FARS2: variants seen among roughly 807,000 people sequenced by gnomAD.
The protein encoded by FARS2 is phenylalanine--tRNA ligase, mitochondrial.
In FARS2, 40 loss-of-function variants were observed where a neutral mutation model predicts 46.4. The observed-to-expected ratio is 0.86, with a 90% CI of 0.67 to 1.12. The LOEUF is 1.12. Ranked by LOEUF, FARS2 falls within the 50% of genes most tolerant of loss-of-function variation. The pLI is 0.00. For missense variants in FARS2, 513 were observed against 567.9 expected (o/e 0.90, Z 0.98); for synonymous variants, 234 against 214.9 (o/e 1.09, Z -0.78).
At chr6:5,626,597 C>T (rs538910896) in intron 6 of FARS2, among the ~76,000 whole-genome samples, 1 of 152,302 alleles carries the variant, frequency 6.6e-6, no homozygotes, top group South Asian at 2.1e-4. Flanking sequence ...CCCACATCCT[C>T]CTTAGGCTTT....
At chr6:5,425,055 G>A (rs1485561381) in intron 3 of FARS2, among the ~76,000 whole-genome samples, 1 of 152,178 alleles carries the variant, frequency 6.6e-6, no homozygotes, top group Non-Finnish European at 1.5e-5. Flanking sequence ...TTCAGAAAGT[G>A]TGAGTGGCAA....
intron 2 of FARS2, among the ~76,000 whole-genome samples, chr6:5,372,920 C>CA (rs1400438718): frequency 1.6e-4 from 24 of 152,030 alleles, no homozygotes; most frequent in African/African-American, 5.1e-4. Context: ...GACTTTATTA[C>CA]AAAAAAAGTG....
the FARS2 span, among the ~76,000 whole-genome samples, chr6:5,252,593 C>T: frequency 2.6e-5 from 4 of 152,012 alleles, no homozygotes; most frequent in South Asian, 4.1e-4. Flanking sequence ...TTCTTCCCAC[C>T]GTTTTCTCTC....
chr6:5,604,054 G>A (rs1203250111), intron 5 of FARS2, among the ~76,000 whole-genome samples: 1 of 152,216 alleles, frequency 6.6e-6, no homozygotes, highest in African/African-American at 2.4e-5. Flanking sequence ...TCCCAGGGAA[G>A]TAGGGAGGTG....
intron 1 of FARS2, among the ~76,000 whole-genome samples, chr6:5,281,741 A>G (rs769957625): frequency 6.6e-6 from 1 of 151,040 alleles, no homozygotes; most frequent in Non-Finnish European, 1.5e-5. Context: ...CTGTGTGTCT[A>G]CAGGGATCAC....
chr6:5,611,644 A>G (rs1285223477), intron 5 of FARS2, among the ~76,000 whole-genome samples: 1 of 152,224 alleles, frequency 6.6e-6, no homozygotes, highest in African/African-American at 2.4e-5. Flanking sequence ...GGCTTGCAAT[A>G]TAATAAGCTG....
chr6:5,434,297 G>C (rs1416294303), intron 4 of FARS2, among the ~76,000 whole-genome samples: 1 of 151,848 alleles, frequency 6.6e-6, no homozygotes, highest in Non-Finnish European at 1.5e-5. Flanking sequence ...TTTTTAGTAG[G>C]GATTGGAGTT....
At chr6:5,531,390 A>T (rs2150456543) in intron 4 of FARS2, among the ~76,000 whole-genome samples, 1 of 152,356 alleles carries the variant, frequency 6.6e-6, no homozygotes, top group Admixed American at 6.5e-5. Flanking sequence ...CGTGCTTCAG[A>T]CACTGCAGTT....
intron 4 of FARS2, among the ~76,000 whole-genome samples, chr6:5,529,320 CT>C (rs899885564): frequency 4.6e-5 from 7 of 151,614 alleles, no homozygotes; most frequent in Non-Finnish European, 8.8e-5. Context: ...ACTTTTTTTT[CT>C]TTTTTGAGAC....
intron 4 of FARS2, among the ~76,000 whole-genome samples, chr6:5,536,602 T>G (rs761523627): frequency 1.3e-5 from 2 of 152,320 alleles, no homozygotes; most frequent in East Asian, 3.9e-4. Flanking sequence ...AAAATCAAAA[T>G]AAATATTATA....
At chr6:5,467,860 C>T (rs1765599318) in intron 4 of FARS2, among the ~76,000 whole-genome samples, 1 of 151,946 alleles carries the variant, frequency 6.6e-6, no homozygotes, top group Non-Finnish European at 1.5e-5. Flanking sequence ...TATAGATGCT[C>T]ATTACCTTAA....
At chr6:5,339,635 A>G (rs576338296) in intron 1 of FARS2, among the ~76,000 whole-genome samples, 1 of 152,104 alleles carries the variant, frequency 6.6e-6, no homozygotes, top group South Asian at 2.1e-4. Flanking sequence ...GTGTCTCGCT[A>G]TGTTGCCCAA....
intron 6 of FARS2, among the ~76,000 whole-genome samples, chr6:5,668,819 G>A (rs550616440): frequency 2.7e-5 from 4 of 149,950 alleles, no homozygotes; most frequent in South Asian, 2.2e-4. Flanking sequence ...TCAGCTTCCC[G>A]AGGAGCTGAG....
At chr6:5,652,553 G>T (rs1294211112) in intron 6 of FARS2, among the ~76,000 whole-genome samples, 1 of 152,246 alleles carries the variant, frequency 6.6e-6, no homozygotes, top group African/African-American at 2.4e-5. Flanking sequence ...CCAGTGCGGC[G>T]CAGCCGCTGA....
intron 2 of FARS2, among the ~76,000 whole-genome samples, chr6:5,381,769 G>C (rs888310421): frequency 1.3e-5 from 2 of 152,224 alleles, no homozygotes; most frequent in African/African-American, 4.8e-5. Flanking sequence ...GGTATGACCA[G>C]ATGTCAGTTA....
At chr6:5,742,154 G>C (rs1015886678) in intron 6 of FARS2, among the ~76,000 whole-genome samples, 1 of 152,178 alleles carries the variant, frequency 6.6e-6, no homozygotes, top group Non-Finnish European at 1.5e-5. Context: ...AGGATTGCCT[G>C]CTCCTACATT....
chr6:5,693,640 C>A (rs1444879164), intron 6 of FARS2, among the ~76,000 whole-genome samples: 1 of 152,170 alleles, frequency 6.6e-6, no homozygotes, highest in Admixed American at 6.5e-5. Context: ...ATTGTGCTCA[C>A]GTGTCCTTGT....
At chr6:5,600,525 C>G (rs185197086) in intron 5 of FARS2, among the ~76,000 whole-genome samples, 1 of 152,260 alleles carries the variant, frequency 6.6e-6, no homozygotes. Flanking sequence ...CCAAACTCAC[C>G]AGCCAAATTT....
intron 6 of FARS2, among the ~76,000 whole-genome samples, chr6:5,679,796 C>T (rs1257112997): frequency 6.6e-6 from 1 of 151,640 alleles, no homozygotes; most frequent in African/African-American, 2.4e-5. Context: ...GCCTGGTCCT[C>T]CCAAAACTCC....
Sources: allele counts gnomAD v4.1 joint callset (sites outside exome capture counted in the v4.1 genomes callset), GRCh38; gene constraint gnomAD v4.1.1; transcripts MANE v1.5; gene names NCBI Gene and HGNC (gene_info 2026-07-23, HGNC 2026-07-21).